SLC38A2: variants seen among roughly 807,000 people sequenced by gnomAD.
SLC38A2 encodes solute carrier family 38 member 2, also known as sodium-coupled neutral amino acid symporter 2.
In SLC38A2, 11 loss-of-function variants were observed where a neutral mutation model predicts 61.5. The ratio of observed to expected loss-of-function variants is 0.18; its 90% confidence interval spans 0.11 to 0.30. The LOEUF is 0.30. SLC38A2 is among the 10% of genes least tolerant of loss of function. The pLI, the probability that SLC38A2 is intolerant of heterozygous loss-of-function variation, is 1.00. For synonymous variants in SLC38A2, 217 were observed against 212.5 expected, an observed-to-expected ratio of 1.02 and a Z score of -0.18; for missense variants, 522 against 600.4, an observed-to-expected ratio of 0.87 and a Z score of 1.36.
In SLC38A2 at chr12:46,360,247, T is replaced by A. The variant is rs1013727764; in HGVS notation, c.*864A>T. The A allele has an allele frequency of 1.3e-5, 2 of 152,642 alleles. No homozygotes were observed. Among genetic ancestry groups the A allele is most frequent in the Admixed American group, 1.3e-4 (2 of 15,286 alleles). The allele number at this position is 152,642 out of a possible 1,614,324, so 9.5% of individuals were successfully genotyped here. A position where few individuals can be genotyped will look rare whatever the true frequency, so the allele number is the denominator to read the frequency against. ...GTACCTCAAAATTAGTTATTTTATT[T>A]CCCACAGAAATATCTGCATTATCTT... On this transcript the variant is annotated 3_prime_UTR_variant, in exon 16 of 16. Coordinates refer to ENST00000256689, the MANE Select transcript of SLC38A2 (RefSeq NM_018976.5).
chr12:46,364,449 C>T lies in SLC38A2; in HGVS notation c.813G>A (p.Leu271=). The T allele has an allele frequency of 6.2e-7, 1 of 1,610,232 alleles. No individual in the cohort carries two copies. Among genetic ancestry groups the T allele is most frequent in the Non-Finnish European group, 8.5e-7 (1 of 1,178,708 alleles). Residue 271 remains leucine (L), a synonymous_variant, in exon 10 of 16, where the codon TTG becomes TTA. Transcript: ENST00000256689. The part of the protein sequence containing the change: ...LTQPTALVPA[L]SHNVTENDSC... ...AGTCATTTTCAGTCACGTTATGTGACAAAGCAGGTACAAGAGCTGTTGGCT... is the reference window on the plus strand; with the variant it reads ...AGTCATTTTCAGTCACGTTATGTGATAAAGCAGGTACAAGAGCTGTTGGCT...
At chr12:46,361,277 T>A in intron 15 of SLC38A2, 68 bp from the exon 16 acceptor site, 4 of 1,270,062 alleles carry the variant, frequency 3.1e-6, no homozygotes, top group Non-Finnish European at 4.5e-6. Context: ...TTCTTCTATT[T>A]TTTGAAATGT....
In SLC38A2 at chr12:46,358,852, G is replaced by A. The variant is rs900755891; in HGVS notation, c.*2259C>T. 5.2e-5 allele frequency: 8 copies of A among 152,524 alleles called. No homozygotes were observed. Among genetic ancestry groups the A allele is most frequent in the African/African-American group, 1.7e-4 (7 of 41,410 alleles). 9.4% of individuals were successfully genotyped at this position (152,524 alleles called of 1,614,324 possible). On this transcript the variant is annotated 3_prime_UTR_variant, in exon 16 of 16. Coordinates refer to ENST00000256689, the MANE Select transcript of SLC38A2 (RefSeq NM_018976.5). ...CACGGAAGACAGTAATGCAAAATGA[G>A]GTGACAAGACAGTGGTTTTAATACT...
intron 15 of SLC38A2, 132 bp downstream of exon 15, chr12:46,362,151 AC>A (rs1943088405): frequency 1.5e-6 from 1 of 689,114 alleles, no homozygotes; most frequent in Admixed American, 3.3e-5. Flanking sequence ...TGTGAAGTAT[AC>A]CATTACAGAA....
chr12:46,363,743 C>G lies in SLC38A2; in HGVS notation c.1037G>C (p.Gly346Ala). The change falls in exon 12 of 16, where the codon GGA (glycine) becomes GCA (alanine). Residue 346 changes from glycine (G) to alanine (A), a missense_variant. This residue lies in a region of SLC38A2 where 309 missense variants were observed against 343.9 expected (regional missense o/e 0.90). Transcript: ENST00000256689. ...TTACTTACCGTAAAATGTTAGGTAT[C>G]CAAAGAGGGCGGCAAGCAGATACAT... ...FLMYLLAALF[G>A]YLTFYEHVES... 7 of 1,572,198 alleles carry G rather than the reference C, an allele frequency of 4.5e-6. No homozygotes were observed. The highest frequency in any genetic ancestry group is 6.0e-6 in the Non-Finnish European group (7 of 1,166,184).
At position 46,364,597 on chromosome 12, in the gene SLC38A2, T is replaced by C. The variant is rs201530529; in HGVS notation, c.706-41A>G. ...TTTGCATGTGTTAAACTAAGTGACA[T>C]GGCAGGGCTTATAAAAAATTTTTTC... is the stretch of plus-strand genomic sequence containing the variant. On this transcript the variant is annotated intron_variant, in intron 9 of 15. Coordinates refer to ENST00000256689, the MANE Select transcript of SLC38A2 (RefSeq NM_018976.5). The C allele has an allele frequency of 2.9e-5, 46 of 1,597,050 alleles. No homozygotes were observed. In the African/African-American group the frequency reaches 4.4e-4, roughly 15 times the overall value.
At chr12:46,364,161 CA>C (rs1457425984) in intron 10 of SLC38A2, among the ~76,000 whole-genome samples, 158 bp from the exon 11 acceptor site, 1 of 152,042 alleles carries the variant, frequency 6.6e-6, no homozygotes, top group Non-Finnish European at 1.5e-5. Flanking sequence ...GAAGTATGAT[CA>C]ATATCCTCAC....
At position 46,370,855 on chromosome 12, in the gene SLC38A2, T is replaced by C. The variant is rs1195413170; in HGVS notation, c.119A>G (p.His40Arg). ...YPTKQAALKS[H>R]YADVDPENQN... Reference sequence around the variant, plus strand: ...GTTTTCAGGATCTACATCTGCATAATGGCTGCAAAAAATATAGACATATAT... The same window carrying C: ...GTTTTCAGGATCTACATCTGCATAACGGCTGCAAAAAATATAGACATATAT... Residue 40 changes from histidine to arginine, a missense_variant and splice_region_variant, in exon 3 of 16, where the codon CAT (histidine) becomes CGT (arginine). Physicochemically the swap from His to Arg is conservative, Grantham distance 29 (BLOSUM62 0). Transcript: ENST00000256689. 21 of 1,604,400 alleles carry C rather than the reference T, an allele frequency of 1.3e-5. No homozygotes were observed. The highest frequency in any genetic ancestry group is 1.8e-5 in the Non-Finnish European group (21 of 1,176,058).
chr12:46,370,312 A>AT (rs1164604864), intron 4 of SLC38A2, among the ~76,000 whole-genome samples, 200 bp downstream of exon 4: 4 of 152,150 alleles, frequency 2.6e-5, no homozygotes, highest in African/African-American at 7.2e-5. Context: ...GGACTGCCCT[A>AT]TTTTTTTCTA....
At chr12:46,366,971 T>G (rs769284752) in intron 6 of SLC38A2, 26 bp from the exon 7 acceptor site, 1 of 1,612,194 alleles carries the variant, frequency 6.2e-7, no homozygotes. Context: ...ATTATACCAT[T>G]ACAAGTGCAA....
rs1028369670 is a variant in SLC38A2, at chr12:46,360,934, T to C, written c.*177A>G. The C allele has an allele frequency of 1.6e-5, 9 of 562,814 alleles. No homozygotes were observed. The highest frequency in any genetic ancestry group is 2.2e-5 in the Non-Finnish European group (7 of 321,056). The allele number at this position is 562,814 out of a possible 1,614,324, so 34.9% of individuals were successfully genotyped here. On this transcript the variant is annotated 3_prime_UTR_variant, in exon 16 of 16. Coordinates refer to ENST00000256689, the MANE Select transcript of SLC38A2 (RefSeq NM_018976.5). The stretch of plus-strand genomic sequence containing the variant: ...ATCCATTTCTAACATACAGATAAGT[T>C]TCTTAAAAAAACAAAACAAAACAAA...
chr12:46,365,101 G>C lies in SLC38A2; in HGVS notation c.646+6C>G. The C allele has an allele frequency of 1.2e-6, 2 of 1,610,586 alleles. No individual in the cohort carries two copies. The highest frequency in any genetic ancestry group is 1.7e-6 in the Non-Finnish European group (2 of 1,177,242). On this transcript the variant is annotated splice_donor_region_variant and intron_variant, in intron 8 of 15. Transcript: ENST00000256689. ...TTCAATTCTCTTTAGAGATGAGTTT[G>C]CTCACCTAAATTTCTAAACAGCGAC...
chr12:46,364,925 C>A (rs1943123922), intron 8 of SLC38A2, 182 bp downstream of exon 8: 2 of 687,650 alleles, frequency 2.9e-6, no homozygotes, highest in South Asian at 2.0e-5. Context: ...TTATTTCTTA[C>A]AAAGCACAAC....
chr12:46,364,584 A>G (rs780581963), intron 9 of SLC38A2, 28 bp from the exon 10 acceptor site: 1 of 1,600,596 alleles, frequency 6.2e-7, no homozygotes, highest in East Asian at 2.2e-5. Context: ...TGCATGTGTT[A>G]AACTAAGTGA....
Position 46,363,776 on chromosome 12 carries a change from A to G in SLC38A2, c.1004T>C (p.Met335Thr). ...MNVSKISFFA[M>T]FLMYLLAALF... Reference sequence around the variant, plus strand: ...GGCGGCAAGCAGATACATGAGAAACATAGCAAAAAATGAAATCTTGGACAC... The same window carrying G: ...GGCGGCAAGCAGATACATGAGAAACGTAGCAAAAAATGAAATCTTGGACAC... Residue 335 changes from methionine to threonine, a missense_variant, in exon 12 of 16, where the codon ATG (methionine) becomes ACG (threonine). Physicochemically the swap from Met to Thr is moderately conservative, Grantham distance 81. Transcript: ENST00000256689. 6.3e-7 allele frequency: 1 copy of G among 1,598,872 alleles called. No individual in the cohort carries two copies. Among genetic ancestry groups the G allele is most frequent in the Non-Finnish European group, 8.5e-7 (1 of 1,175,354 alleles).
In SLC38A2 at chr12:46,364,629, A is replaced by G. The variant is rs1174860506; in HGVS notation, c.705+15T>C. 1.9e-6 allele frequency: 3 copies of G among 1,602,078 alleles called. No homozygotes were observed. In the Admixed American group the frequency reaches 5.2e-5, roughly 28 times the overall value. ...GCTTATAAAAAATTTTTTCTAAAAA[A>G]AAAATCATACCCACCACAATCAGAA... On this transcript the variant is annotated intron_variant, in intron 9 of 15. Transcript: ENST00000256689.
Position 46,363,023 on chromosome 12 carries a change from G to C in SLC38A2, c.1177C>G (p.Pro393Ala). 1 of 1,612,362 alleles carries C rather than the reference G, an allele frequency of 6.2e-7. No individual in the cohort carries two copies. The highest frequency in any genetic ancestry group is 8.5e-7 in the Non-Finnish European group (1 of 1,178,956). The change falls in exon 13 of 16, where the codon CCA becomes GCA. Residue 393 changes from proline (P) to alanine (A), a missense_variant and splice_region_variant. Physicochemically the swap from Pro to Ala is conservative, Grantham distance 27 (BLOSUM62 -1). Around this residue, in one of 3 missense-constraint regions of SLC38A2, gnomAD observed 309 missense variants for 343.9 expected, o/e 0.90. Coordinates refer to ENST00000256689, the MANE Select transcript of SLC38A2 (RefSeq NM_018976.5). ...AAGCAGAGCAAGTGATTACTTACTG[G>C]GAAAATAACTACTGGTACTGTCAGG... ...VTLTVPVVIFPIRSSVTHLLC... is the reference protein window; with the variant it reads ...VTLTVPVVIFAIRSSVTHLLC...
intron 4 of SLC38A2, 147 bp from the exon 5 acceptor site, chr12:46,367,487 C>T: frequency 1.6e-6 from 1 of 630,054 alleles, no homozygotes. Context: ...TCCTCTCCTA[C>T]TAACTGGAAT....
chr12:46,371,254 C>A lies in SLC38A2; in HGVS notation c.40G>T (p.Asp14Tyr), dbSNP rs201648512. ...AEMGRFSISP[D>Y]EDSSSYSSNS... ...GAACTGTAGCTGCTGCTGTCTTCAT[C>A]CGGGGAAATACTGAATCGTCCCATT... The change falls in exon 2 of 16, where the codon GAT (aspartate) becomes TAT (tyrosine). Residue 14 changes from aspartate (D) to tyrosine (Y), a missense_variant. This residue lies in a region of SLC38A2 where 102 missense variants were observed against 83.1 expected (regional missense o/e 1.23). Coordinates refer to ENST00000256689, the MANE Select transcript of SLC38A2 (RefSeq NM_018976.5). 46 of 1,614,118 alleles carry A rather than the reference C, an allele frequency of 2.8e-5. No individual in the cohort carries two copies. The highest frequency in any genetic ancestry group is 3.6e-5 in the Non-Finnish European group (42 of 1,180,046).
Sources: allele counts gnomAD v4.1 joint callset (sites outside exome capture counted in the v4.1 genomes callset), GRCh38; gene constraint gnomAD v4.1.1; regional missense constraint gnomAD v4.1.1; transcripts MANE v1.5; gene names NCBI Gene and HGNC (gene_info 2026-07-23, HGNC 2026-07-21).